The following SLC4A4 variants were observed in gnomAD, a reference collection of about 807,000 sequenced individuals.
SLC4A4 encodes electrogenic sodium bicarbonate cotransporter 1.
A neutral mutation model predicts 111.5 loss-of-function variants in SLC4A4; 27 were observed. That is an observed-to-expected ratio of 0.24 (90% confidence interval 0.18 to 0.33). The LOEUF (loss-of-function observed/expected upper bound fraction) is 0.33. Among genes scored for constraint, SLC4A4 ranks in the 10% least tolerant of loss-of-function variants. SLC4A4 has a pLI of 1.00. For synonymous variants in SLC4A4, 443 were observed against 463.4 expected (o/e 0.96, Z 0.57); for missense variants, 909 against 1,315.5 (o/e 0.69, Z 4.78).
chr4:71,365,980 G>T (rs900924900), intron 6 of SLC4A4, among the ~76,000 whole-genome samples: 3 of 152,104 alleles, frequency 2.0e-5, no homozygotes, highest in Admixed American at 1.3e-4. Context: ...CCCGGTCCAG[G>T]TCTCATATGT....
intron 2 of SLC4A4, among the ~76,000 whole-genome samples, chr4:71,172,266 T>C (rs988314315): frequency 6.6e-5 from 10 of 151,742 alleles, no homozygotes; most frequent in Admixed American, 6.5e-4. Context: ...TTTCTTTTTT[T>C]TTTTTTTTGA....
At chr4:71,290,985 T>A (rs1460526160) in intron 3 of SLC4A4, among the ~76,000 whole-genome samples, 1 of 152,202 alleles carries the variant, frequency 6.6e-6, no homozygotes, top group African/African-American at 2.4e-5. Context: ...ATAATTAATA[T>A]CAATTTACAT....
intron 7 of SLC4A4, chr4:71,437,703 A>G: frequency 2.6e-6 from 1 of 390,890 alleles, no homozygotes; most frequent in Non-Finnish European, 5.1e-6. Flanking sequence ...CAGTTCCTAT[A>G]ATGGAGATCT....
Position 71,290,662 on chromosome 4 carries a change from A to G in SLC4A4, c.253+35263A>G, listed in dbSNP as rs148521010. On this transcript the variant is annotated intron_variant, in intron 3 of 25. Coordinates refer to ENST00000264485, the MANE Select transcript of SLC4A4 (RefSeq NM_001098484.3). ...ATATGACTGGGTATCTGGGTTTTCA[A>G]TATTTCAAGGGAAATGGTGAGGTCA... Among the ~76,000 whole-genome samples, 994 of 152,338 alleles carry G rather than the reference A, an allele frequency of 6.5e-3. 8 individuals carry two copies. Among genetic ancestry groups the G allele is most frequent in the African/African-American group, 0.022 (928 of 41,578 alleles).
chr4:71,159,375 T>A (rs551695311), intron 2 of SLC4A4, among the ~76,000 whole-genome samples: 19 of 152,304 alleles, frequency 1.2e-4, no homozygotes, highest in South Asian at 4.1e-4. Flanking sequence ...TTATTTTTTT[T>A]AAATTTTTGT....
At chr4:71,456,225 C>A (rs1316272847) in intron 12 of SLC4A4, among the ~76,000 whole-genome samples, 2 of 152,112 alleles carry the variant, frequency 1.3e-5, no homozygotes, top group African/African-American at 4.8e-5. Flanking sequence ...ACATGTTTTT[C>A]ACTCTCTTCC....
At chr4:71,122,533 A>G (rs1578500960) in intron 2 of SLC4A4, among the ~76,000 whole-genome samples, 1 of 152,066 alleles carries the variant, frequency 6.6e-6, no homozygotes, top group Non-Finnish European at 1.5e-5. Context: ...TAAAAATTTG[A>G]TTTGACCCCA....
chr4:71,397,442 C>A, intron 6 of SLC4A4, 135 bp from the exon 7 acceptor site: 1 of 808,244 alleles, frequency 1.2e-6, no homozygotes, highest in Non-Finnish European at 2.1e-6. Flanking sequence ...GAAAACTCTT[C>A]AGAAGAATCC....
chr4:71,220,401 A>T (rs1718671400), intron 1 of SLC4A4, among the ~76,000 whole-genome samples: 1 of 152,174 alleles, frequency 6.6e-6, no homozygotes, highest in South Asian at 2.1e-4. Context: ...GACTCGCTTT[A>T]TTGTGATATT....
intron 1 of SLC4A4, among the ~76,000 whole-genome samples, chr4:71,079,094 C>T (rs1033106405): frequency 1.2e-4 from 19 of 152,172 alleles, no homozygotes; most frequent in African/African-American, 2.4e-5. Flanking sequence ...GCTGGGATTA[C>T]AGGCGTGAAC....
At chr4:71,417,222 C>T (rs562328439) in intron 7 of SLC4A4, among the ~76,000 whole-genome samples, 1 of 152,226 alleles carries the variant, frequency 6.6e-6, no homozygotes, top group South Asian at 2.1e-4. Context: ...TCTTAGGGTA[C>T]TTTAGACCTG....
intron 7 of SLC4A4, among the ~76,000 whole-genome samples, chr4:71,423,745 A>T (rs1311222281): frequency 6.6e-6 from 1 of 152,220 alleles, no homozygotes; most frequent in African/African-American, 2.4e-5. Context: ...TGGGGAAAGG[A>T]TTCCCTATTT....
intron 2 of SLC4A4, among the ~76,000 whole-genome samples, chr4:71,247,324 TATG>T (rs1415146839): frequency 3.4e-5 from 5 of 148,266 alleles, no homozygotes; most frequent in African/African-American, 9.8e-5. Context: ...GATATATAAT[TATG>T]ATAATAGATT....
chr4:71,470,373 A>G (rs193220671), intron 13 of SLC4A4, among the ~76,000 whole-genome samples: 185 of 152,190 alleles, frequency 1.2e-3, no homozygotes, highest in African/African-American at 4.3e-3. Context: ...TTCAATTTGC[A>G]TGATTAGATA....
chr4:71,508,174 G>T (rs968629447), intron 16 of SLC4A4, among the ~76,000 whole-genome samples: 1 of 152,028 alleles, frequency 6.6e-6, no homozygotes, highest in Admixed American at 6.6e-5. Flanking sequence ...ACAGCTAAAA[G>T]AACTGGAGAA....
intron 2 of SLC4A4, among the ~76,000 whole-genome samples, chr4:71,149,955 G>C (rs987894157): frequency 6.6e-6 from 1 of 151,982 alleles, no homozygotes; most frequent in Non-Finnish European, 1.5e-5. Flanking sequence ...TAAAACTAAT[G>C]TTCTTTATTT....
chr4:71,309,347 G>C (rs940941573), intron 3 of SLC4A4, among the ~76,000 whole-genome samples: 2 of 152,168 alleles, frequency 1.3e-5, no homozygotes, highest in Non-Finnish European at 2.9e-5. Flanking sequence ...CTGACAAGGA[G>C]GGTTCTCCCA....
intron 22 of SLC4A4, among the ~76,000 whole-genome samples, chr4:71,559,574 G>A (rs1412921397): frequency 1.3e-5 from 2 of 151,720 alleles, no homozygotes; most frequent in Admixed American, 1.3e-4. Context: ...TTCAGTTAAC[G>A]GTGGTGATTG....
intron 8 of SLC4A4, 152 bp downstream of exon 8, chr4:71,440,925 C>A: frequency 2.4e-6 from 2 of 835,060 alleles, no homozygotes; most frequent in Non-Finnish European, 2.0e-6. Flanking sequence ...TTTATACTGT[C>A]AAATTTCTTG....
Sources: gnomAD v4.1 joint callset for allele counts (sites outside exome capture counted in the v4.1 genomes callset) on GRCh38, gnomAD v4.1.1 for gene constraint, MANE v1.5 for transcripts, NCBI Gene and HGNC (gene_info 2026-07-23, HGNC 2026-07-21) for gene names.